Variants in RAB30 observed in about 807,000 individuals in gnomAD.
The protein encoded by RAB30 is ras-related protein Rab-30.
Under a neutral mutation model 25.1 loss-of-function variants are expected in RAB30, and 9 were observed. The ratio of observed to expected loss-of-function variants is 0.36; its 90% CI spans 0.22 to 0.63. The LOEUF is 0.63. Among genes scored for constraint, RAB30 ranks in the 20% least tolerant of loss-of-function variants. The pLI is 0.69. For synonymous variants in RAB30, 77 were observed against 86.4 expected (o/e 0.89, Z 0.60); for missense variants, 140 against 243.5 (o/e 0.58, Z 2.83).
Position 82,994,259 on chromosome 11 carries a change from A to G in RAB30, c.94-137T>C, listed in dbSNP as rs539237929. The G allele has an allele frequency of 5.9e-6, 4 of 682,834 alleles. No homozygotes were observed. The East Asian group carries it at 8.1e-5, about 14-fold the overall frequency. The allele number at this position is 682,834 out of a possible 1,614,324, so 42.3% of individuals were successfully genotyped here. On this transcript the variant is annotated intron_variant, in intron 2 of 4. Transcript: ENST00000527633. ...ACTGGTAGAAAAGAGAACTCTGGTTACTCTCAAGGGAGCCCTGTGCAACTC... is the reference window on the plus strand; with the variant it reads ...ACTGGTAGAAAAGAGAACTCTGGTTGCTCTCAAGGGAGCCCTGTGCAACTC...
chr11:83,050,893 C>G (rs533329072), intron 1 of RAB30, among the ~76,000 whole-genome samples: 1 of 152,064 alleles, frequency 6.6e-6, no homozygotes, highest in Non-Finnish European at 1.5e-5. Flanking sequence ...GAACCGAGAT[C>G]GCATCACTGT....
chr11:83,034,363 C>G (rs989132523), intron 1 of RAB30: 5 of 152,270 alleles, frequency 3.3e-5, no homozygotes, highest in African/African-American at 9.7e-5. Flanking sequence ...CCAGCCCCTC[C>G]CCCTGCAGCT....
At chr11:83,058,380 T>C (rs2060344870) in intron 1 of RAB30, among the ~76,000 whole-genome samples, 1 of 152,240 alleles carries the variant, frequency 6.6e-6, no homozygotes, top group Non-Finnish European at 1.5e-5. Flanking sequence ...CAATCCAGGA[T>C]CATATGTTAC....
At chr11:82,985,206 C>G (rs192656632) in intron 4 of RAB30, among the ~76,000 whole-genome samples, 1 of 152,076 alleles carries the variant, frequency 6.6e-6, no homozygotes, top group Non-Finnish European at 1.5e-5. Context: ...CTCAAGTGAT[C>G]CACCCGCCTC....
intron 1 of RAB30, among the ~76,000 whole-genome samples, chr11:83,002,757 C>T (rs1220579361): frequency 6.6e-6 from 1 of 152,144 alleles, no homozygotes; most frequent in Non-Finnish European, 1.5e-5. Context: ...CACACTGCTG[C>T]ATTCCACCCT....
intron 1 of RAB30, among the ~76,000 whole-genome samples, chr11:83,071,128 T>A (rs574974173): frequency 6.6e-6 from 1 of 152,338 alleles, no homozygotes; most frequent in Middle Eastern, 3.4e-3. Context: ...TAAAGGACAC[T>A]GTCACCTCAA....
intron 1 of RAB30, among the ~76,000 whole-genome samples, chr11:83,027,577 CAG>C (rs1209481274): frequency 1.3e-5 from 2 of 152,104 alleles, no homozygotes; most frequent in Non-Finnish European, 2.9e-5. Context: ...ATTCTGTATT[CAG>C]AGTTTCCTGA....
chr11:82,997,150 G>A, intron 2 of RAB30, 74 bp downstream of exon 2: 2 of 1,280,502 alleles, frequency 1.6e-6, no homozygotes, highest in Non-Finnish European at 2.3e-6. Context: ...CATCTCGACA[G>A]ATTCCCCCAA....
chr11:83,070,293 A>G (rs1858804753), intron 1 of RAB30, among the ~76,000 whole-genome samples: 1 of 152,228 alleles, frequency 6.6e-6, no homozygotes, highest in African/African-American at 2.4e-5. Context: ...ACTCTACTAC[A>G]AAGCCCATAC....
chr11:83,013,222 T>C (rs1857342110), intron 1 of RAB30, among the ~76,000 whole-genome samples: 1 of 152,142 alleles, frequency 6.6e-6, no homozygotes, highest in South Asian at 2.1e-4. Flanking sequence ...TAGTTGGAAT[T>C]ATAGGCATGC....
intron 1 of RAB30, among the ~76,000 whole-genome samples, chr11:83,026,550 G>A (rs1036959560): frequency 6.6e-6 from 1 of 152,170 alleles, no homozygotes; most frequent in African/African-American, 2.4e-5. Context: ...AGCTTTCTGA[G>A]GTCTCACCAG....
chr11:83,030,080 T>C (rs1857818938), intron 1 of RAB30, among the ~76,000 whole-genome samples: 1 of 152,160 alleles, frequency 6.6e-6, no homozygotes, highest in Non-Finnish European at 1.5e-5. Flanking sequence ...GACTACATAC[T>C]GAGTAGGGTG....
chr11:82,988,709 C>T (rs534286038), intron 3 of RAB30, among the ~76,000 whole-genome samples: 1 of 152,278 alleles, frequency 6.6e-6, no homozygotes, highest in African/African-American at 2.4e-5. Flanking sequence ...AATTATTCTC[C>T]AGGGTGGCTG....
chr11:83,007,806 G>T (rs1355700255), intron 1 of RAB30, among the ~76,000 whole-genome samples: 1 of 152,080 alleles, frequency 6.6e-6, no homozygotes, highest in Admixed American at 6.6e-5. Flanking sequence ...CCTGGGGGAA[G>T]AAAAAGGATA....
chr11:83,022,461 A>C (rs1857604000), intron 1 of RAB30, among the ~76,000 whole-genome samples: 1 of 152,160 alleles, frequency 6.6e-6, no homozygotes, highest in South Asian at 2.1e-4. Flanking sequence ...ACTTGGTCCA[A>C]AGAGCTTCTT....
chr11:83,016,415 C>T (rs1352149823), intron 1 of RAB30, among the ~76,000 whole-genome samples: 3 of 152,024 alleles, frequency 2.0e-5, no homozygotes, highest in African/African-American at 7.3e-5. Flanking sequence ...ATTTAAGAGA[C>T]AAAATTTTAA....
chr11:83,058,957 C>G (rs931068155), intron 1 of RAB30, among the ~76,000 whole-genome samples: 5 of 152,162 alleles, frequency 3.3e-5, no homozygotes, highest in African/African-American at 1.2e-4. Context: ...TCTCTAATGT[C>G]TTTTTGAGAC....
At chr11:82,992,761 A>ACACACACG (rs1555032513) in intron 3 of RAB30, among the ~76,000 whole-genome samples, 1 of 150,750 alleles carries the variant, frequency 6.6e-6, no homozygotes, top group Non-Finnish European at 1.5e-5. Flanking sequence ...ACACACACAC[A>ACACACACG]CACACACACA....
intron 1 of RAB30, among the ~76,000 whole-genome samples, chr11:83,060,638 C>T (rs1316036820): frequency 6.6e-6 from 1 of 152,208 alleles, no homozygotes; most frequent in Non-Finnish European, 1.5e-5. Flanking sequence ...ATCCAATTCA[C>T]AGACAACAAA....
Sources: allele counts gnomAD v4.1 joint callset (sites outside exome capture counted in the v4.1 genomes callset), GRCh38; gene constraint gnomAD v4.1.1; transcripts MANE v1.5; gene names NCBI Gene and HGNC (gene_info 2026-07-23, HGNC 2026-07-21).